UBR1: variants seen among roughly 807,000 people sequenced by gnomAD.
The protein encoded by UBR1 is ubiquitin protein ligase E3 component n-recognin 1.
Under a neutral mutation model 242.1 loss-of-function variants are expected in UBR1, and 102 were observed. The observed-to-expected ratio is 0.42, with a 90% confidence interval of 0.36 to 0.50. UBR1 has a LOEUF of 0.50. UBR1 is among the 20% of genes least tolerant of loss of function. UBR1 has a pLI of 0.01. For synonymous variants in UBR1, 675 were observed against 684.8 expected (o/e 0.99, Z 0.22); for missense variants, 1,772 against 2,101.8 (o/e 0.84, Z 3.07).
At chr15:43,091,195 C>T (rs1307017618) in intron 1 of UBR1, among the ~76,000 whole-genome samples, 1 of 152,178 alleles carries the variant, frequency 6.6e-6, no homozygotes, top group African/African-American at 2.4e-5. Context: ...ACCTCAGCCT[C>T]CCAAAGTGCT....
intron 34 of UBR1, among the ~76,000 whole-genome samples, chr15:42,989,628 A>G (rs2032525511): frequency 6.6e-6 from 1 of 152,206 alleles, no homozygotes; most frequent in African/African-American, 2.4e-5. Flanking sequence ...TCAATTTTAC[A>G]TGCAAGAAAA....
chr15:43,026,427 T>C, intron 23 of UBR1, 134 bp downstream of exon 23: 1 of 688,064 alleles, frequency 1.5e-6, no homozygotes. Context: ...GATTCAATTT[T>C]AATTCTTGGG....
chr15:42,979,103 C>CAGGATGG (rs969811038), intron 37 of UBR1, among the ~76,000 whole-genome samples: 1 of 151,966 alleles, frequency 6.6e-6, no homozygotes, highest in Non-Finnish European at 1.5e-5. Context: ...CCATGTTGGC[C>CAGGATGG]AGGATGGTCT....
chr15:42,962,806 T>C (rs1259433645), intron 42 of UBR1, among the ~76,000 whole-genome samples: 1 of 152,042 alleles, frequency 6.6e-6, no homozygotes, highest in Non-Finnish European at 1.5e-5. Context: ...GGGGCTTCCC[T>C]TTTTCCTGGC....
chr15:43,068,056 T>G lies in UBR1; in HGVS notation c.660-20A>C. The G allele has an allele frequency of 6.8e-7, 1 of 1,463,498 alleles. No homozygotes were observed. Among genetic ancestry groups the G allele is most frequent in the South Asian group, 1.2e-5 (1 of 80,702 alleles). The allele number at this position is 1,463,498 out of a possible 1,614,324, so 90.7% of individuals were successfully genotyped here. A position where few individuals can be genotyped will look rare whatever the true frequency, so the allele number is the denominator to read the frequency against. On this transcript the variant is annotated intron_variant, in intron 5 of 46. Coordinates refer to ENST00000290650, the MANE Select transcript of UBR1 (RefSeq NM_174916.3). ...TTCTCCCTGTTAGAAAAAAAACATATATATTTGGATACTACAACAAATAAA... is the reference window on the plus strand; with the variant it reads ...TTCTCCCTGTTAGAAAAAAAACATAGATATTTGGATACTACAACAAATAAA...
intron 12 of UBR1, among the ~76,000 whole-genome samples, chr15:43,049,479 C>A (rs555861805): frequency 3.3e-5 from 5 of 152,250 alleles, no homozygotes; most frequent in Admixed American, 6.5e-5. Flanking sequence ...AGGAGAATGG[C>A]GTGAACCCAG....
chr15:42,958,866 T>C (rs953998712), intron 43 of UBR1, among the ~76,000 whole-genome samples: 6 of 152,216 alleles, frequency 3.9e-5, no homozygotes, highest in Admixed American at 3.3e-4. Flanking sequence ...AGTCTCACTC[T>C]ATCCCTCAGG....
intron 46 of UBR1, among the ~76,000 whole-genome samples, chr15:42,948,434 A>G (rs1239666921): frequency 6.6e-6 from 1 of 152,220 alleles, no homozygotes; most frequent in African/African-American, 2.4e-5. Context: ...GACAAATAGG[A>G]TCTAATTAAA....
At chr15:43,035,705 G>A (rs1284473570) in intron 19 of UBR1, among the ~76,000 whole-genome samples, 3 of 149,910 alleles carry the variant, frequency 2.0e-5, no homozygotes, top group African/African-American at 7.4e-5. Context: ...CCTTGCCCAT[G>A]CCTATGTCCT....
At chr15:43,017,053 G>T in intron 28 of UBR1, 42 bp downstream of exon 28, 1 of 1,504,776 alleles carries the variant, frequency 6.6e-7, no homozygotes, top group Non-Finnish European at 9.2e-7. Flanking sequence ...CAAAGACAGA[G>T]ATGAATGTCA....
intron 37 of UBR1, among the ~76,000 whole-genome samples, chr15:42,981,445 G>C (rs553945509): frequency 2.0e-5 from 3 of 152,218 alleles, no homozygotes; most frequent in Admixed American, 2.0e-4. Context: ...TACCCTGTTA[G>C]AGGAGATAAC....
chr15:43,030,169 T>A, intron 20 of UBR1, 101 bp from the exon 21 acceptor site: 1 of 1,347,824 alleles, frequency 7.4e-7, no homozygotes, highest in Non-Finnish European at 1.0e-6. Context: ...TGCATTAAAT[T>A]AAATCTGTGA....
In UBR1 at chr15:43,037,896, G is replaced by A. The variant is rs1419783006; in HGVS notation, c.1912-13C>T. ...CTTGAAAGTCCTCCTGAAATAGAGT[G>A]AGTTCAATTTTATCATTTCTCACAG... On this transcript the variant is annotated splice_polypyrimidine_tract_variant and intron_variant, in intron 16 of 46. Transcript: ENST00000290650. 1.0e-5 allele frequency: 16 copies of A among 1,603,200 alleles called. No individual in the cohort carries two copies. The highest frequency in any genetic ancestry group is 1.3e-5 in the Non-Finnish European group (15 of 1,171,238).
chr15:43,050,983 T>C (rs1233761419), intron 12 of UBR1, among the ~76,000 whole-genome samples: 2 of 152,126 alleles, frequency 1.3e-5, no homozygotes, highest in Admixed American at 1.3e-4. Context: ...GGTAGGAGCA[T>C]AAATTAATTC....
chr15:42,992,344 A>G (rs1034657925), intron 33 of UBR1, among the ~76,000 whole-genome samples: 3 of 152,178 alleles, frequency 2.0e-5, no homozygotes, highest in Non-Finnish European at 4.4e-5. Context: ...TCTGGATATT[A>G]TCTTGTATAT....
At chr15:42,978,087 T>C (rs1035972735) in intron 37 of UBR1, 140 bp from the exon 38 acceptor site, 2 of 695,760 alleles carry the variant, frequency 2.9e-6, no homozygotes, top group African/African-American at 1.8e-5. Flanking sequence ...CTTTGAGATA[T>C]GAAAACCATA....
At chr15:43,050,587 G>A (rs1015220534) in intron 12 of UBR1, among the ~76,000 whole-genome samples, 1 of 151,988 alleles carries the variant, frequency 6.6e-6, no homozygotes, top group Non-Finnish European at 1.5e-5. Context: ...AGCCAGGCAT[G>A]ACAGCATGTG....
At chr15:43,080,738 T>C (rs556922900) in intron 3 of UBR1, among the ~76,000 whole-genome samples, 9 of 151,916 alleles carry the variant, frequency 5.9e-5, no homozygotes, top group Non-Finnish European at 1.2e-4. Flanking sequence ...GTGGATCACT[T>C]GAGGTCAGGA....
chr15:43,023,627 G>C (rs892317695), intron 25 of UBR1, among the ~76,000 whole-genome samples: 13 of 87,696 alleles, frequency 1.5e-4, no homozygotes, highest in Non-Finnish European at 2.8e-4. Context: ...AAAAAAAAAA[G>C]TTCAACCTCA....
Sources: gnomAD v4.1 joint callset for allele counts (sites outside exome capture counted in the v4.1 genomes callset) on GRCh38, gnomAD v4.1.1 for gene constraint, MANE v1.5 for transcripts, NCBI Gene and HGNC (gene_info 2026-07-23, HGNC 2026-07-21) for gene names.